Variants in SEPTIN11 observed in about 807,000 individuals in gnomAD.
The protein encoded by SEPTIN11 is septin 11, also known as septin-11.
Under a neutral mutation model 51.4 loss-of-function variants are expected in SEPTIN11, and 25 were observed. That is an observed-to-expected ratio of 0.49 (90% CI 0.35 to 0.68). The LOEUF (loss-of-function observed/expected upper bound fraction) is 0.68. SEPTIN11 is among the 30% of genes least tolerant of loss of function. The pLI, the probability that SEPTIN11 is intolerant of heterozygous loss-of-function variation, is 0.00. For synonymous variants in SEPTIN11, 174 were observed against 184.1 expected (o/e 0.95, Z 0.44); for missense variants, 381 against 520.8 (o/e 0.73, Z 2.61).
chr4:76,970,421 G>A (rs1025028185), intron 1 of SEPTIN11, among the ~76,000 whole-genome samples: 1 of 152,204 alleles, frequency 6.6e-6, no homozygotes, highest in African/African-American at 2.4e-5. Context: ...CTCTTGCTAT[G>A]TAGAGCGACT....
At chr4:77,023,747 A>T (rs1163957012) in intron 7 of SEPTIN11, among the ~76,000 whole-genome samples, 1 of 152,128 alleles carries the variant, frequency 6.6e-6, no homozygotes, top group Admixed American at 6.6e-5. Context: ...CTTCCTGTGC[A>T]CCTGAGCGGG....
chr4:77,005,734 A>G lies in SEPTIN11; in HGVS notation c.276A>G (p.Val92=). ...GTTATGAGCTTCAGGAAAGCAATGT[A>G]CGGCTGAAGTTAACCATTGTTGACA... ...ARSYELQESN[V]RLKLTIVDTV... is the part of the protein sequence containing the mutation. The change falls in exon 3 of 10, where the codon GTA becomes GTG. Residue 92 remains valine, a synonymous_variant. Coordinates refer to ENST00000264893, the MANE Select transcript of SEPTIN11 (RefSeq NM_018243.4). The G allele has an allele frequency of 6.2e-7, 1 of 1,614,072 alleles. No homozygotes were observed. Among genetic ancestry groups the G allele is most frequent in the Middle Eastern group, 1.7e-4 (1 of 6,060 alleles).
chr4:77,008,938 T>C (rs1039378632), intron 3 of SEPTIN11, among the ~76,000 whole-genome samples: 19 of 152,206 alleles, frequency 1.2e-4, no homozygotes, highest in Non-Finnish European at 2.2e-4. Context: ...TTTCTCACTT[T>C]AGATGGAGAA....
At chr4:76,970,683 A>G (rs1423740959) in intron 1 of SEPTIN11, among the ~76,000 whole-genome samples, 1 of 152,204 alleles carries the variant, frequency 6.6e-6, no homozygotes, top group Non-Finnish European at 1.5e-5. Context: ...CTCAGACCAT[A>G]CTAGTTGGAT....
In SEPTIN11 at chr4:76,949,800, CCGCGAGGGAGG is replaced by C. The variant is rs911610274; in HGVS notation, c.-90_-80del. 5.0e-5 allele frequency: 65 copies of C among 1,298,950 alleles called. No individual in the cohort carries two copies. The highest frequency in any genetic ancestry group is 2.5e-4 in the Middle Eastern group (1 of 3,962). The allele number at this position is 1,298,950 out of a possible 1,614,324, so 80.5% of individuals were successfully genotyped here. A position where few individuals can be genotyped will look rare whatever the true frequency, so the allele number is the denominator to read the frequency against. On this transcript the variant is annotated 5_prime_UTR_variant, in exon 1 of 10. An upstream open reading frame in the 5' UTR loses its in-frame stop. Coordinates refer to ENST00000264893, the MANE Select transcript of SEPTIN11 (RefSeq NM_018243.4). The stretch of plus-strand genomic sequence containing the variant: ...CGGGACGCCGGCGAGCAGAGCGCAG[CCGCGAGGGAGG>C]CGCGAGGGAGGCGAGCCGGAGCCCG...
chr4:76,956,777 T>G (rs1721572865), intron 1 of SEPTIN11, among the ~76,000 whole-genome samples: 1 of 152,174 alleles, frequency 6.6e-6, no homozygotes, highest in Admixed American at 6.5e-5. Flanking sequence ...GAAAGACCCT[T>G]GGGCTGGGGA....
chr4:76,961,820 C>T (rs751731420), intron 1 of SEPTIN11, among the ~76,000 whole-genome samples: 2 of 152,134 alleles, frequency 1.3e-5, no homozygotes, highest in East Asian at 1.9e-4. Flanking sequence ...GGGGACTGTC[C>T]GTGTTCTGTT....
intron 1 of SEPTIN11, among the ~76,000 whole-genome samples, chr4:76,966,301 G>A (rs947185919): frequency 3.3e-5 from 5 of 152,152 alleles, no homozygotes; most frequent in African/African-American, 1.2e-4. Flanking sequence ...ATCCACAGTA[G>A]GGCTAAGAAG....
intron 6 of SEPTIN11, among the ~76,000 whole-genome samples, chr4:77,019,608 A>C (rs79325784): frequency 0.039 from 5,889 of 152,332 alleles, 155 homozygotes; most frequent in East Asian, 0.096. Context: ...AGTTTCTTGC[A>C]AACAAGAGGG....
chr4:77,033,764 T>C (rs1271346465), intron 9 of SEPTIN11, among the ~76,000 whole-genome samples: 1 of 152,242 alleles, frequency 6.6e-6, no homozygotes, highest in Non-Finnish European at 1.5e-5. Context: ...TTTAAAACCA[T>C]ACTTGGCATC....
rs372783470 is a variant in SEPTIN11 at position 77,011,925 on chromosome 4, C to G, written c.525+4C>G. 132 of 1,612,444 alleles carry G rather than the reference C, an allele frequency of 8.2e-5. No individual in the cohort carries two copies. Among genetic ancestry groups the G allele is most frequent in the Non-Finnish European group, 1.1e-4 (128 of 1,178,806 alleles). ...CATGAAAAAGCTGGACAGTAAGGTA[C>G]TTGCTGCCATTCTGATTATCATCCA... On this transcript the variant is annotated splice_donor_region_variant and intron_variant, in intron 4 of 9. Transcript: ENST00000264893.
At chr4:76,950,372 G>T (rs866047094) in intron 1 of SEPTIN11, among the ~76,000 whole-genome samples, 1 of 152,218 alleles carries the variant, frequency 6.6e-6, no homozygotes, top group African/African-American at 2.4e-5. Context: ...TGGCACTGCT[G>T]TAGAAGCAGG....
chr4:77,028,457 T>C lies in SEPTIN11; in HGVS notation c.954-172T>C, dbSNP rs6813549. Among the ~76,000 whole-genome samples, 524 of 152,368 alleles carry C rather than the reference T, an allele frequency of 3.4e-3. 2 individuals carry two copies. Among genetic ancestry groups the C allele is most frequent in the African/African-American group, 0.012 (492 of 41,592 alleles). On this transcript the variant is annotated intron_variant, in intron 7 of 9. Coordinates refer to ENST00000264893, the MANE Select transcript of SEPTIN11 (RefSeq NM_018243.4). ...ATTTCTAGTTCTTGATGCACTTGTC[T>C]TTCCAACCACAGCATAACTAAAAGC...
intron 1 of SEPTIN11, among the ~76,000 whole-genome samples, chr4:76,993,102 C>T (rs530540538): frequency 6.6e-6 from 1 of 152,040 alleles, no homozygotes; most frequent in East Asian, 1.9e-4. Context: ...AGTTGGGAGG[C>T]TGTTGAATTA....
At chr4:76,970,586 A>C (rs1722199033) in intron 1 of SEPTIN11, among the ~76,000 whole-genome samples, 1 of 152,232 alleles carries the variant, frequency 6.6e-6, no homozygotes, top group African/African-American at 2.4e-5. Context: ...GCTGAGAAAT[A>C]AAGACATGCA....
At chr4:77,015,127 G>C (rs763702574) in intron 5 of SEPTIN11, 110 bp downstream of exon 5, 19 of 1,016,898 alleles carry the variant, frequency 1.9e-5, no homozygotes, top group Non-Finnish European at 2.7e-5. Context: ...GATGACTTCA[G>C]CTGTAGTCCA....
At chr4:76,987,205 G>A (rs1387903164) in intron 1 of SEPTIN11, among the ~76,000 whole-genome samples, 1 of 152,160 alleles carries the variant, frequency 6.6e-6, no homozygotes, top group African/African-American at 2.4e-5. Context: ...GCTTCCAGCT[G>A]GGCCGCACTG....
At position 77,024,243 on chromosome 4, in the gene SEPTIN11, C is replaced by T. The variant is rs1040240880; in HGVS notation, c.953+3573C>T. Among the ~76,000 whole-genome samples, 6 of 152,146 alleles carry T rather than the reference C, an allele frequency of 3.9e-5. No homozygotes were observed. Among genetic ancestry groups the T allele is most frequent in the African/African-American group, 1.2e-4 (5 of 41,424 alleles). On this transcript the variant is annotated intron_variant, in intron 7 of 9. Transcript: ENST00000264893. The surrounding 1 kb of genome is among the most constrained non-coding windows in gnomAD (Gnocchi z 4.2). ...CCCGTCCCTGGGGTGCCTTTAAACC[C>T]GCCTGCATTCACACTTGCGTCTTTA...
chr4:76,987,509 G>A (rs990140617), intron 1 of SEPTIN11, among the ~76,000 whole-genome samples: 1 of 152,164 alleles, frequency 6.6e-6, no homozygotes. Context: ...TCATAGCTGT[G>A]GTTTGGGTCA....
Sources: gnomAD v4.1 joint callset for allele counts (sites outside exome capture counted in the v4.1 genomes callset) on GRCh38, gnomAD v4.1.1 for gene constraint, Gnocchi (gnomAD v3.1) non-coding constraint, MANE v1.5 for transcripts, NCBI Gene and HGNC (gene_info 2026-07-23, HGNC 2026-07-21) for gene names.